The following UACA variants were observed in gnomAD, a reference collection of about 807,000 sequenced individuals.
UACA encodes uveal autoantigen with coiled-coil domains and ankyrin repeats.
In UACA, 112 loss-of-function variants were observed where a neutral mutation model predicts 160.5. The observed-to-expected ratio is 0.70, with a 90% CI of 0.60 to 0.82. The LOEUF is 0.82. Ranked by LOEUF, UACA falls within the 40% of genes least tolerant of loss-of-function variation. The pLI is 0.00. For missense variants in UACA, 1,574 were observed against 1,614.6 expected (o/e 0.97, Z 0.43); for synonymous variants, 557 against 568.4 (o/e 0.98, Z 0.29).
chr15:70,688,205 T>C (rs565742484), intron 5 of UACA, among the ~76,000 whole-genome samples: 1 of 152,282 alleles, frequency 6.6e-6, no homozygotes, highest in Non-Finnish European at 1.5e-5. Flanking sequence ...CCATTTTTTA[T>C]AGAATAGTCA....
the UACA span, among the ~76,000 whole-genome samples, chr15:70,776,982 G>C: frequency 6.6e-6 from 1 of 152,130 alleles, no homozygotes; most frequent in Non-Finnish European, 1.5e-5. Context: ...GTGCCTAGCA[G>C]GGTATCATAA....
At chr15:70,707,168 A>G (rs1898544917) in intron 1 of UACA, among the ~76,000 whole-genome samples, 1 of 152,240 alleles carries the variant, frequency 6.6e-6, no homozygotes, top group Non-Finnish European at 1.5e-5. Context: ...CAAGGTGCCA[A>G]GAGCACTCAA....
chr15:70,714,588 A>G (rs940121927), intron 1 of UACA, among the ~76,000 whole-genome samples: 1 of 152,220 alleles, frequency 6.6e-6, no homozygotes, highest in Non-Finnish European at 1.5e-5. Context: ...TCTACATAAA[A>G]ATATAAAGGA....
At chr15:70,698,827 C>A (rs1341166340) in intron 2 of UACA, among the ~76,000 whole-genome samples, 1 of 151,736 alleles carries the variant, frequency 6.6e-6, no homozygotes, top group African/African-American at 2.4e-5. Flanking sequence ...CTAGATCTAC[C>A]CTTTAACCCA....
chr15:70,757,934 G>A (rs1048720717), intron 1 of UACA, among the ~76,000 whole-genome samples: 3 of 152,094 alleles, frequency 2.0e-5, no homozygotes, highest in East Asian at 1.9e-4. Flanking sequence ...CCATTTCTTC[G>A]AAGAGGACCT....
intron 1 of UACA, among the ~76,000 whole-genome samples, chr15:70,703,597 T>C (rs1207638614): frequency 6.6e-6 from 1 of 152,174 alleles, no homozygotes; most frequent in Non-Finnish European, 1.5e-5. Context: ...CCTTGTCCTT[T>C]GGGTAACAAA....
Position 70,668,888 on chromosome 15 carries a change from T to C in UACA, c.1796A>G (p.Glu599Gly). The stretch of plus-strand genomic sequence containing the variant: ...TCTTCCTTTCTTCTCTCGCTCCATT[T>C]CACACATACTAAGTTCCTTCTGTAA... ...KRLQKELSMC[E>G]MEREKKGRKV... The change falls in exon 16 of 19, where the codon GAA becomes GGA. Residue 599 changes from glutamate (E) to glycine (G), a missense_variant. Coordinates refer to ENST00000322954, the MANE Select transcript of UACA (RefSeq NM_018003.4). The C allele has an allele frequency of 6.2e-7, 1 of 1,613,660 alleles. No homozygotes were observed. The highest frequency in any genetic ancestry group is 1.3e-5 in the African/African-American group (1 of 75,008).
rs144149373 is a variant in UACA at position 70,716,070 on chromosome 15, T to C, written c.79-16410A>G. On this transcript the variant is annotated intron_variant, in intron 1 of 18. Transcript: ENST00000322954. ...CCACTCCTGTCATCAAGAAATGACA[T>C]TTATTTCCTCATCCGTTGAATCCTT... 5.7e-3 allele frequency among the ~76,000 whole-genome samples: 861 copies of C among 152,300 alleles called. 11 individuals are homozygous for C. The highest frequency in any genetic ancestry group is 0.032 in the South Asian group (152 of 4,816).
Position 70,667,623 on chromosome 15 carries a change from C to A in UACA, c.3061G>T (p.Glu1021Ter), listed in dbSNP as rs370665811. ...TCTTGCTTGTTTTTCTTGACTTCTT[C>A]TTCACTGACACTATACTTTTGTGTC... Reference protein sequence around the residue: ...EQTQKYSVSEEEVKKNKQEND... With the variant: ...EQTQKYSVSE The change falls in exon 16 of 19, where the codon GAA (glutamate) becomes TAA (stop). Residue 1021 changes from glutamate (E) to a stop codon, truncating the protein, a stop_gained. Transcript: ENST00000322954. LOFTEE classifies it high-confidence loss of function. The A allele has an allele frequency of 1.2e-6, 2 of 1,612,674 alleles. No homozygotes were observed. Among genetic ancestry groups the A allele is most frequent in the Non-Finnish European group, 1.7e-6 (2 of 1,179,938 alleles).
intron 15 of UACA, among the ~76,000 whole-genome samples, chr15:70,670,467 G>A (rs2140909040): frequency 6.6e-6 from 1 of 152,254 alleles, no homozygotes; most frequent in South Asian, 2.1e-4. Flanking sequence ...TCTTCCAAGT[G>A]TACTTTGCTT....
At chr15:70,666,622 C>T in intron 16 of UACA, 102 bp downstream of exon 16, 5 of 930,858 alleles carry the variant, frequency 5.4e-6, no homozygotes, top group Non-Finnish European at 7.4e-6. Flanking sequence ...TGGAAAGGGT[C>T]ACTTTGTTAA....
Position 70,687,892 on chromosome 15 carries a change from A to G in UACA, c.425-72T>C, listed in dbSNP as rs542003928. 2.8e-6 allele frequency: 4 copies of G among 1,425,098 alleles called. No homozygotes were observed. In the South Asian group the frequency reaches 4.8e-5, roughly 17 times the overall value. 88.3% of individuals were successfully genotyped at this position (1,425,098 alleles called of 1,614,324 possible). ...AGACACATAGTGTTTTTCTAGGTCC[A>G]TATAAGGAATAAGTTTTTCAATTTC... is the stretch of plus-strand genomic sequence containing the variant. On this transcript the variant is annotated intron_variant, in intron 5 of 18. Coordinates refer to ENST00000322954, the MANE Select transcript of UACA (RefSeq NM_018003.4).
Position 70,667,264 on chromosome 15 carries a change from C to T in UACA, c.3420G>A (p.Arg1140=), listed in dbSNP as rs1566963221. 1 of 1,613,206 alleles carries T rather than the reference C, an allele frequency of 6.2e-7. No homozygotes were observed. Among genetic ancestry groups the T allele is most frequent in the South Asian group, 1.1e-5 (1 of 90,790 alleles). ...NLKEELKSMQ[R]CYEKEQQTVT... ...CTGTCTGCTGCTCTTTCTCGTAACA[C>T]CTTTGCATACTCTTCAGTTCTTCCT... Residue 1140 remains arginine, a synonymous_variant, in exon 16 of 19, where the codon AGG becomes AGA. Coordinates refer to ENST00000322954, the MANE Select transcript of UACA (RefSeq NM_018003.4).
chr15:70,742,328 C>T (rs1289458672), intron 1 of UACA, among the ~76,000 whole-genome samples: 1 of 152,184 alleles, frequency 6.6e-6, no homozygotes. Context: ...AAAGCTATTT[C>T]CTCAGCAAAC....
In UACA at chr15:70,654,650, A is replaced by C. The variant is rs78174670; in HGVS notation, c.*2406T>G. 1 of 137,376 alleles carries C rather than the reference A, an allele frequency of 7.3e-6. No individual in the cohort carries two copies. Among genetic ancestry groups the C allele is most frequent in the Non-Finnish European group, 1.5e-5 (1 of 64,900 alleles). The allele number at this position is 137,376 out of a possible 1,614,324, so 8.5% of individuals were successfully genotyped here. On this transcript the variant is annotated 3_prime_UTR_variant, in exon 19 of 19. Coordinates refer to ENST00000322954, the MANE Select transcript of UACA (RefSeq NM_018003.4). ...TATGCTTTTCTGATGGGGAAGTGAC[A>C]AAAAAAAAAAACTACACAGAACAAG...
chr15:70,763,433 C>G lies in UACA; in HGVS notation c.-26G>C. ...GGCTAACTCTTGCCTGGCCCCCGCG[C>G]GAACCTTAAAGGCTGCGGAGTGCCA... On this transcript the variant is annotated 5_prime_UTR_variant, in exon 1 of 19. Transcript: ENST00000322954. 1 of 1,291,184 alleles carries G rather than the reference C, an allele frequency of 7.7e-7. No homozygotes were observed. The highest frequency in any genetic ancestry group is 9.9e-7 in the Non-Finnish European group (1 of 1,010,196). The allele number at this position is 1,291,184 out of a possible 1,614,324, so 80.0% of individuals were successfully genotyped here.
rs2030431266 is a variant in UACA, at chr15:70,756,380, C to T, written c.78+6950G>A. ...TTTACCATGTTGGCCAGGCTGGTCT[C>T]GAACTCCTGACCTCAAGCGATCTGC... On this transcript the variant is annotated intron_variant, in intron 1 of 18. Transcript: ENST00000322954. 4.0e-5 allele frequency among the ~76,000 whole-genome samples: 6 copies of T among 151,118 alleles called. No individual in the cohort carries two copies. In the Middle Eastern group the frequency reaches 0.014, roughly 343 times the overall value.
chr15:70,773,550 G>A, the UACA span, among the ~76,000 whole-genome samples: 1 of 152,170 alleles, frequency 6.6e-6, no homozygotes, highest in Non-Finnish European at 1.5e-5. Context: ...GAGGACAAAG[G>A]GGATTTGATC....
rs1165117759 is a variant in UACA at position 70,667,316 on chromosome 15, G to C, written c.3368C>G (p.Ser1123Cys). 6.2e-7 allele frequency: 1 copy of C among 1,611,156 alleles called. No individual in the cohort carries two copies. Among genetic ancestry groups the C allele is most frequent in the Non-Finnish European group, 8.5e-7 (1 of 1,179,414 alleles). ...TAGATTTTCAATTGTGCCATTAAGA[G>C]ATTTTTTCAGAGCCTCAACCTGTTC... is the stretch of plus-strand genomic sequence containing the variant. ...PLEQVEALKK[S>C]LNGTIENLKE... Residue 1123 changes from serine to cysteine, a missense_variant, in exon 16 of 19, where the codon TCT becomes TGT. Transcript: ENST00000322954.
Sources: gnomAD v4.1 joint callset for allele counts (sites outside exome capture counted in the v4.1 genomes callset) on GRCh38, gnomAD v4.1.1 for gene constraint, MANE v1.5 for transcripts, NCBI Gene and HGNC (gene_info 2026-07-23, HGNC 2026-07-21) for gene names.